Variants in ALDH1L1 observed in about 807,000 individuals in gnomAD.
The protein encoded by ALDH1L1 is aldehyde dehydrogenase 1 family member L1, also known as cytosolic 10-formyltetrahydrofolate dehydrogenase.
ALDH1L1 carries 68 observed loss-of-function variants against 101.1 expected under a neutral mutation model. The ratio of observed to expected loss-of-function variants is 0.67; its 90% CI spans 0.55 to 0.82. ALDH1L1 has a LOEUF of 0.82. Ranked by LOEUF, ALDH1L1 falls within the 40% of genes least tolerant of loss-of-function variation. ALDH1L1 has a pLI of 0.00. For missense variants in ALDH1L1, 1,087 were observed against 1,172.7 expected, an observed-to-expected ratio of 0.93 and a Z score of 1.07; for synonymous variants, 486 against 470.8, an observed-to-expected ratio of 1.03 and a Z score of -0.42.
At chr3:126,136,973 C>T in intron 10 of ALDH1L1, 90 bp from the exon 11 acceptor site, 2 of 1,533,888 alleles carry the variant, frequency 1.3e-6, no homozygotes, top group Non-Finnish European at 1.8e-6. Flanking sequence ...CACACACTGC[C>T]CAGGGGCCTC....
intron 18 of ALDH1L1, among the ~76,000 whole-genome samples, chr3:126,114,291 A>T (rs1372558724): frequency 6.6e-6 from 1 of 152,172 alleles, no homozygotes; most frequent in African/African-American, 2.4e-5. Flanking sequence ...TTTCATATTT[A>T]TATGTAATAC....
At chr3:126,105,372 T>A in intron 22 of ALDH1L1, 2 of 361,378 alleles carry the variant, frequency 5.5e-6, no homozygotes, top group South Asian at 4.5e-5. Context: ...CCCAAGGACC[T>A]GCTGAACCCT....
At chr3:126,143,923 C>T (rs2080620082) in intron 9 of ALDH1L1, among the ~76,000 whole-genome samples, 1 of 152,164 alleles carries the variant, frequency 6.6e-6, no homozygotes, top group Non-Finnish European at 1.5e-5. Flanking sequence ...GCCTAAGTGA[C>T]AGAGCAAGAC....
intron 2 of ALDH1L1, 96 bp from the exon 3 acceptor site, chr3:126,158,735 T>G: frequency 1.7e-6 from 2 of 1,181,890 alleles, no homozygotes; most frequent in Non-Finnish European, 2.4e-6. Flanking sequence ...AGGACTTCTC[T>G]CCATTCCTGC....
chr3:126,194,833 A>T (rs1314196045), intron 1 of ALDH1L1, among the ~76,000 whole-genome samples: 2 of 152,060 alleles, frequency 1.3e-5, no homozygotes, highest in African/African-American at 4.8e-5. Context: ...TGCATGTAAA[A>T]CTATTTTTTA....
At chr3:126,120,119 C>A (rs1425006017) in intron 16 of ALDH1L1, among the ~76,000 whole-genome samples, 1 of 152,238 alleles carries the variant, frequency 6.6e-6, no homozygotes, top group Non-Finnish European at 1.5e-5. Context: ...AGCAACTGTG[C>A]TCCTTGATAT....
At chr3:126,155,315 G>A (rs961429667) in intron 5 of ALDH1L1, 87 bp downstream of exon 5, 6 of 1,205,058 alleles carry the variant, frequency 5.0e-6, no homozygotes, top group Non-Finnish European at 7.0e-6. Flanking sequence ...GCACCATCTG[G>A]GCTGAACCCC....
At chr3:126,181,224 G>T, upstream of ALDH1L1, 2 of 594,476 alleles carry the variant, frequency 3.4e-6, no homozygotes, top group Non-Finnish European at 6.0e-6. Context: ...GGCCAGCCCG[G>T]TCTCAGGCAA....
At chr3:126,135,056 AT>A (rs4646724) in intron 12 of ALDH1L1, 2,354 of 144,630 alleles carry the variant, frequency 0.016, 25 homozygotes, top group African/African-American at 0.031. Context: ...CCTGGCTTAA[AT>A]TTTTTTTTTT....
intron 1 of ALDH1L1, among the ~76,000 whole-genome samples, chr3:126,165,843 G>A (rs1424141650): frequency 6.6e-6 from 1 of 152,108 alleles, no homozygotes; most frequent in African/African-American, 2.4e-5. Context: ...GTGGTCTAAT[G>A]ATCTTGTTTA....
At chr3:126,125,588 G>A in intron 15 of ALDH1L1, 28 bp downstream of exon 15, 1 of 1,472,910 alleles carries the variant, frequency 6.8e-7, no homozygotes, top group Non-Finnish European at 9.1e-7. Flanking sequence ...TGGCCTGCAG[G>A]CCCTGTCCAG....
At chr3:126,133,119 T>A (rs2080349216) in intron 12 of ALDH1L1, among the ~76,000 whole-genome samples, 1 of 152,138 alleles carries the variant, frequency 6.6e-6, no homozygotes, top group Admixed American at 6.5e-5. Context: ...GGCACCAAAC[T>A]CAAATTTTCC....
At chr3:126,117,156 G>A (rs944293724) in intron 17 of ALDH1L1, among the ~76,000 whole-genome samples, 2 of 150,376 alleles carry the variant, frequency 1.3e-5, no homozygotes, top group Admixed American at 1.3e-4. Context: ...AAGGTAGGAG[G>A]ATCGCATGAG....
intron 17 of ALDH1L1, among the ~76,000 whole-genome samples, chr3:126,117,295 T>C (rs1466415327): frequency 6.6e-6 from 1 of 151,842 alleles, no homozygotes; most frequent in African/African-American, 2.4e-5. Context: ...TAGTATATTT[T>C]ATTATATTTT....
chr3:126,103,598 G>A lies in ALDH1L1; in HGVS notation c.*193C>T, dbSNP rs942646277. ...CTCTTCAGAAGCTTTATTCTCCCTG[G>A]GAGGGGCACACCTCACCCAGCCAAG... On this transcript the variant is annotated 3_prime_UTR_variant, in exon 23 of 23. Transcript: ENST00000393434. 3.3e-6 allele frequency: 2 copies of A among 611,086 alleles called. No homozygotes were observed. Among genetic ancestry groups the A allele is most frequent in the Non-Finnish European group, 5.8e-6 (2 of 345,110 alleles). The allele number at this position is 611,086 out of a possible 1,614,324, so 37.9% of individuals were successfully genotyped here.
chr3:126,146,042 G>A (rs2080670010), intron 9 of ALDH1L1, among the ~76,000 whole-genome samples: 1 of 152,042 alleles, frequency 6.6e-6, no homozygotes, highest in Non-Finnish European at 1.5e-5. Flanking sequence ...AGTTACTAGA[G>A]GTCCACAGTG....
chr3:126,124,219 G>T, intron 16 of ALDH1L1, 145 bp downstream of exon 16: 1 of 660,934 alleles, frequency 1.5e-6, no homozygotes, highest in East Asian at 3.0e-5. Flanking sequence ...CCCATGGGAG[G>T]GGCCTCCTTT....
Position 126,180,583 on chromosome 3 carries a change from C to A in ALDH1L1, c.-131G>T, listed in dbSNP as rs986826061. The A allele has an allele frequency of 8.6e-7, 1 of 1,160,486 alleles. No individual in the cohort carries two copies. The highest frequency in any genetic ancestry group is 2.5e-5 in the South Asian group (1 of 39,638). 71.9% of individuals were successfully genotyped at this position (1,160,486 alleles called of 1,614,324 possible). A position where few individuals can be genotyped will look rare whatever the true frequency, so the allele number is the denominator to read the frequency against. ...CGTCCTGGGAGCCAGGAGGTGGGAC[C>A]TGTCCCCGCCAGTCCGCGAGCTCTG... On this transcript the variant is annotated 5_prime_UTR_variant, in exon 1 of 23. It adds an upstream start codon to the 5' untranslated region. Transcript: ENST00000393434.
chr3:126,112,387 G>A (rs1007348198), intron 19 of ALDH1L1, among the ~76,000 whole-genome samples: 1 of 152,172 alleles, frequency 6.6e-6, no homozygotes, highest in Non-Finnish European at 1.5e-5. Context: ...TCCATGGTCA[G>A]GCCCAGGCTG....
Sources: gnomAD v4.1 joint callset for allele counts (sites outside exome capture counted in the v4.1 genomes callset) on GRCh38, gnomAD v4.1.1 for gene constraint, MANE v1.5 for transcripts, NCBI Gene and HGNC (gene_info 2026-07-23, HGNC 2026-07-21) for gene names.